The following MROH1 variants were observed in gnomAD, a reference collection of about 807,000 sequenced individuals.
MROH1 encodes maestro heat-like repeat-containing protein family member 1.
In MROH1, 117 loss-of-function variants were observed where a neutral mutation model predicts 116.5. The ratio of observed to expected loss-of-function variants is 1.00; its 90% CI spans 0.86 to 1.17. The LOEUF (loss-of-function observed/expected upper bound fraction) is 1.17, where lower values mean the gene tolerates loss of function less well. Ranked by LOEUF, MROH1 falls within the 50% of genes most tolerant of loss-of-function variation. The probability of loss-of-function intolerance (pLI) is 0.00; values close to 1 mark genes in which losing one functional copy is unlikely to be tolerated. For missense variants in MROH1, 1,873 were observed against 1,338.5 expected, an observed-to-expected ratio of 1.40 and a Z score of -6.23; for synonymous variants, 921 against 583.9, an observed-to-expected ratio of 1.58 and a Z score of -8.32.
intron 7 of MROH1, among the ~76,000 whole-genome samples, chr8:144,188,833 A>G (rs549023222): frequency 6.6e-6 from 1 of 152,148 alleles, no homozygotes; most frequent in East Asian, 1.9e-4. Context: ...CAGGCCATAC[A>G]CCTGGGGAGT....
chr8:144,197,574 T>C (rs1472905327), intron 10 of MROH1, among the ~76,000 whole-genome samples: 1 of 150,068 alleles, frequency 6.7e-6, no homozygotes, highest in Non-Finnish European at 1.5e-5. Flanking sequence ...TAGCTGGGAC[T>C]ACAGGCGCCT....
At chr8:144,221,527 C>T (rs1836737918) in intron 13 of MROH1, among the ~76,000 whole-genome samples, 1 of 151,934 alleles carries the variant, frequency 6.6e-6, no homozygotes, top group South Asian at 2.1e-4. Context: ...GGGGGCTGCT[C>T]CAGCCTTTGT....
intron 1 of MROH1, among the ~76,000 whole-genome samples, chr8:144,151,673 T>C (rs1011488644): frequency 6.6e-6 from 1 of 152,228 alleles, no homozygotes; most frequent in African/African-American, 2.4e-5. Context: ...CTAATTGAGC[T>C]GTTTAGCACA....
chr8:144,166,070 G>T (rs958787760), intron 3 of MROH1, among the ~76,000 whole-genome samples: 2 of 152,028 alleles, frequency 1.3e-5, no homozygotes, highest in African/African-American at 4.8e-5. Context: ...GTAGAGATAT[G>T]GTTTCACCAT....
intron 12 of MROH1, chr8:144,200,842 C>T (rs1830959621): frequency 2.8e-6 from 1 of 361,796 alleles, no homozygotes; most frequent in Non-Finnish European, 5.2e-6. Flanking sequence ...CTAAGACAGC[C>T]ATCCCTGAGC....
intron 10 of MROH1, among the ~76,000 whole-genome samples, chr8:144,194,995 A>T (rs145586448): frequency 3.8e-4 from 57 of 151,992 alleles, no homozygotes; most frequent in African/African-American, 1.3e-3. Context: ...AGCACTGACC[A>T]GCTAGAAAGT....
Position 144,254,900 on chromosome 8 carries a change from G to A in MROH1, c.3516G>A (p.Arg1172=). The change falls in exon 34 of 44, where the codon AGG becomes AGA. Residue 1172 remains arginine, a synonymous_variant. Transcript: ENST00000326134. ...VLGLLLEKMS[R]DVPFKESRAF... ...GGCTGCTGCTGGAGAAGATGAGTAGGGACGTCCCTTTCAAGGAGAGCCGGG... is the reference window on the plus strand; with the variant it reads ...GGCTGCTGCTGGAGAAGATGAGTAGAGACGTCCCTTTCAAGGAGAGCCGGG... The A allele has an allele frequency of 1.3e-6, 1 of 778,174 alleles. No homozygotes were observed. The highest frequency in any genetic ancestry group is 1.3e-5 in the South Asian group (1 of 74,478). 48.2% of individuals were successfully genotyped at this position (778,174 alleles called of 1,614,324 possible). A position where few individuals can be genotyped will look rare whatever the true frequency, so the allele number is the denominator to read the frequency against.
chr8:144,242,435 G>GCCCGGGCCC lies in MROH1; in HGVS notation c.2252_2260dup (p.Ala751_Arg753dup), dbSNP rs1432757681. ...GATCCTGTGCTATGGGCACGTGGCG[G>GCCCGGGCCC]CCCGGGCCCCCCGGGAGCTGGTGCT... On this transcript the variant is annotated inframe_insertion, in exon 23 of 44. Coordinates refer to ENST00000326134, the MANE Select transcript of MROH1 (RefSeq NM_032450.3). The GCCCGGGCCC allele has an allele frequency of 3.8e-6, 3 of 780,696 alleles. No homozygotes were observed. The highest frequency in any genetic ancestry group is 4.8e-6 in the Non-Finnish European group (2 of 417,824). The allele number at this position is 780,696 out of a possible 1,614,324, so 48.4% of individuals were successfully genotyped here.
At chr8:144,168,983 T>TTCAGCC (rs1821731412) in intron 4 of MROH1, among the ~76,000 whole-genome samples, 1 of 152,016 alleles carries the variant, frequency 6.6e-6, no homozygotes, top group Admixed American at 6.5e-5. Context: ...GAACTCTCTC[T>TTCAGCC]TCAGCCTCAC....
At position 144,151,189 on chromosome 8, in the gene MROH1, A is replaced by G. The variant is rs985761945; in HGVS notation, c.-177+3113A>G. On this transcript the variant is annotated intron_variant, in intron 1 of 43. Coordinates refer to ENST00000326134, the MANE Select transcript of MROH1 (RefSeq NM_032450.3). ...CTTGAACCTGGGAGGCGGAGGTTAC[A>G]GTGAGCCGAGATTGCGCCATTGCAT... 2.7e-4 allele frequency among the ~76,000 whole-genome samples: 37 copies of G among 138,002 alleles called. 1 individual carries two copies. The East Asian group carries it at 3.3e-3, about 12-fold the overall frequency. The allele number at this position is 138,002 out of a possible 152,430, so 90.5% of individuals were successfully genotyped here. A position where few individuals can be genotyped will look rare whatever the true frequency, so the allele number is the denominator to read the frequency against.
In MROH1 at chr8:144,237,243, G is replaced by A. The variant is rs1033389604; in HGVS notation, c.1339-1513G>A. On this transcript the variant is annotated intron_variant, in intron 14 of 43. Coordinates refer to ENST00000326134, the MANE Select transcript of MROH1 (RefSeq NM_032450.3). ...TTCTTATGTGCATGCATCTCTCTCC[G>A]CATGGACTCGTGGTTTGCTGTTTGA... Among the ~76,000 whole-genome samples, 14 of 152,258 alleles carry A rather than the reference G, an allele frequency of 9.2e-5. No homozygotes were observed. In the South Asian group the frequency reaches 1.7e-3, roughly 18 times the overall value.
chr8:144,200,594 A>T, intron 12 of MROH1, 53 bp downstream of exon 12: 1 of 1,270,298 alleles, frequency 7.9e-7, no homozygotes, highest in Non-Finnish European at 1.1e-6. Context: ...TCCAGGATGG[A>T]GCAGGTCCTG....
At chr8:144,151,060 C>T (rs1167787557) in intron 1 of MROH1, among the ~76,000 whole-genome samples, 1 of 151,784 alleles carries the variant, frequency 6.6e-6, no homozygotes, top group Non-Finnish European at 1.5e-5. Context: ...CCAGCCTGGC[C>T]AACATGGTGA....
rs556386957 is a variant in MROH1, at chr8:144,259,706, G to A, written c.4045-205G>A. ...AGATGCCAAAATCTTGCCCAAGGCC[G>A]TGCAGCAGAGCACAGCGGGCGTCAG... On this transcript the variant is annotated intron_variant, in intron 37 of 43. Coordinates refer to ENST00000326134, the MANE Select transcript of MROH1 (RefSeq NM_032450.3). Among the ~76,000 whole-genome samples the A allele has an allele frequency of 2.0e-4, 30 of 152,364 alleles. 1 individual carries two copies. The highest frequency in any genetic ancestry group is 9.6e-4 in the East Asian group (5 of 5,188).
chr8:144,203,638 G>A (rs1160743734), intron 12 of MROH1, among the ~76,000 whole-genome samples: 2 of 152,094 alleles, frequency 1.3e-5, no homozygotes, highest in Non-Finnish European at 2.9e-5. Context: ...GGGCTGCTCT[G>A]GTCAGTGGTC....
chr8:144,244,590 C>A, intron 28 of MROH1, 51 bp downstream of exon 28: 1 of 719,670 alleles, frequency 1.4e-6, no homozygotes, highest in Non-Finnish European at 2.6e-6. Context: ...ACAGAGGGCA[C>A]TCCACCTGGC....
intron 12 of MROH1, among the ~76,000 whole-genome samples, chr8:144,216,143 C>T (rs1835206501): frequency 6.6e-6 from 1 of 151,748 alleles, no homozygotes; most frequent in Non-Finnish European, 1.5e-5. Flanking sequence ...TGCACCATTG[C>T]ACTCCAGCCT....
intron 36 of MROH1, 36 bp downstream of exon 36, chr8:144,258,950 G>C: frequency 1.4e-6 from 1 of 705,012 alleles, no homozygotes; most frequent in Admixed American, 2.0e-5. Context: ...TCCAGCACTG[G>C]CTGGGCTCCA....
chr8:144,149,698 T>C (rs1816270704), intron 1 of MROH1, among the ~76,000 whole-genome samples: 1 of 152,130 alleles, frequency 6.6e-6, no homozygotes, highest in Non-Finnish European at 1.5e-5. Context: ...CAGGAAAGGC[T>C]CCCGTGGCTC....
Sources: gnomAD v4.1 joint callset for allele counts (sites outside exome capture counted in the v4.1 genomes callset) on GRCh38, gnomAD v4.1.1 for gene constraint, MANE v1.5 for transcripts, NCBI Gene and HGNC (gene_info 2026-07-23, HGNC 2026-07-21) for gene names.